The following SLC38A1 variants were observed in gnomAD, a reference collection of about 807,000 sequenced individuals.
The protein encoded by SLC38A1 is sodium-coupled neutral amino acid symporter 1.
In SLC38A1, 18 loss-of-function variants were observed where a neutral mutation model predicts 60.3. The ratio of observed to expected loss-of-function variants is 0.30; its 90% CI spans 0.21 to 0.44. The LOEUF (loss-of-function observed/expected upper bound fraction) is 0.44. Ranked by LOEUF, SLC38A1 falls within the 20% of genes least tolerant of loss-of-function variation. The pLI, the probability that SLC38A1 is intolerant of heterozygous loss-of-function variation, is 1.00. For missense variants in SLC38A1, 448 were observed against 587.2 expected, an observed-to-expected ratio of 0.76 and a Z score of 2.45; for synonymous variants, 196 against 212.1, an observed-to-expected ratio of 0.92 and a Z score of 0.66.
At chr12:46,246,361 G>A (rs1164000604) in intron 1 of SLC38A1, among the ~76,000 whole-genome samples, 6 of 152,228 alleles carry the variant, frequency 3.9e-5, no homozygotes, top group Admixed American at 1.3e-4. Context: ...TGTATCCTGC[G>A]CCTGGATCGG....
chr12:46,219,635 G>A (rs1208318643), intron 5 of SLC38A1, among the ~76,000 whole-genome samples: 3 of 152,310 alleles, frequency 2.0e-5, no homozygotes, highest in South Asian at 4.1e-4. Context: ...ACCACTCTGT[G>A]AGTAATAAAA....
In SLC38A1 at chr12:46,185,683, G is replaced by C. The variant is rs2136800941; in HGVS notation, c.*3287C>G. 6.6e-6 allele frequency: 1 copy of C among 152,042 alleles called. No homozygotes were observed. Among genetic ancestry groups the C allele is most frequent in the South Asian group, 2.1e-4 (1 of 4,810 alleles). The allele number at this position is 152,042 out of a possible 1,614,324, so 9.4% of individuals were successfully genotyped here. The stretch of plus-strand genomic sequence containing the variant: ...CCAAAAGTCAGACAAACAGAAGAAG[G>C]CACACCAAGCCTGAACCCTCCGGAC... On this transcript the variant is annotated 3_prime_UTR_variant, in exon 17 of 17. Coordinates refer to ENST00000398637, the MANE Select transcript of SLC38A1 (RefSeq NM_030674.4).
chr12:46,225,154 G>A (rs1045954866), intron 5 of SLC38A1, among the ~76,000 whole-genome samples: 1 of 152,048 alleles, frequency 6.6e-6, no homozygotes, highest in Middle Eastern at 3.2e-3. Flanking sequence ...ACCATAAATC[G>A]GCAGTGGAAA....
intron 3 of SLC38A1, among the ~76,000 whole-genome samples, chr12:46,236,849 A>C (rs563185462): frequency 6.6e-6 from 1 of 152,198 alleles, no homozygotes; most frequent in South Asian, 2.1e-4. Flanking sequence ...CAGAATCAGA[A>C]TCTGCATTTA....
intron 16 of SLC38A1, among the ~76,000 whole-genome samples, chr12:46,190,950 G>A (rs570051975): frequency 6.6e-6 from 1 of 152,258 alleles, no homozygotes; most frequent in African/African-American, 2.4e-5. Context: ...GATCCCATTT[G>A]TCTATTTTGG....
rs1056636157 is a variant in SLC38A1, at chr12:46,188,640, A to G, written c.*330T>C. 2.5e-5 allele frequency: 5 copies of G among 197,602 alleles called. No homozygotes were observed. Among genetic ancestry groups the G allele is most frequent in the Admixed American group, 1.1e-4 (2 of 18,620 alleles). The allele number at this position is 197,602 out of a possible 1,614,324, so 12.2% of individuals were successfully genotyped here. On this transcript the variant is annotated 3_prime_UTR_variant, in exon 17 of 17. Transcript: ENST00000398637. ...ATGTATAATAAATAAACATTATTGTATATCATGTTTTCAAAGTTCTAAGAG... is the reference window on the plus strand; with the variant it reads ...ATGTATAATAAATAAACATTATTGTGTATCATGTTTTCAAAGTTCTAAGAG...
Position 46,206,567 on chromosome 12 carries a change from C to T in SLC38A1, c.564-405G>A, listed in dbSNP as rs542561196. Reference sequence around the variant, plus strand: ...CAAGTCACTACAGGTAGACATTTCTCTCTCCCTGATCCCTTGGATTTGACC... The same window carrying T: ...CAAGTCACTACAGGTAGACATTTCTTTCTCCCTGATCCCTTGGATTTGACC... On this transcript the variant is annotated intron_variant, in intron 8 of 16. Transcript: ENST00000398637. Among the ~76,000 whole-genome samples the T allele has an allele frequency of 2.0e-5, 3 of 152,292 alleles. No homozygotes were observed. The South Asian group carries it at 6.2e-4, about 32-fold the overall frequency.
chr12:46,247,115 G>C (rs1294958939), intron 1 of SLC38A1, among the ~76,000 whole-genome samples: 2 of 152,184 alleles, frequency 1.3e-5, no homozygotes, highest in African/African-American at 2.4e-5. Flanking sequence ...AAAAACCAGA[G>C]CGCCTCTTCT....
chr12:46,223,164 A>G (rs973378088), intron 5 of SLC38A1, among the ~76,000 whole-genome samples: 1 of 152,192 alleles, frequency 6.6e-6, no homozygotes, highest in African/African-American at 2.4e-5. Context: ...CTGGCTCTAG[A>G]GTCAAGCAAG....
chr12:46,245,989 A>G (rs1941601112), intron 1 of SLC38A1, among the ~76,000 whole-genome samples: 1 of 152,206 alleles, frequency 6.6e-6, no homozygotes, highest in South Asian at 2.1e-4. Context: ...TCAAGAACAG[A>G]AGAGGATCTT....
At chr12:46,199,916 C>A (rs1939576440) in intron 13 of SLC38A1, among the ~76,000 whole-genome samples, 1 of 152,152 alleles carries the variant, frequency 6.6e-6, no homozygotes, top group Admixed American at 6.5e-5. Context: ...AGTTATAATA[C>A]CAATCTCACT....
At chr12:46,264,440 AG>A (rs1355411875) in intron 1 of SLC38A1, among the ~76,000 whole-genome samples, 1 of 152,224 alleles carries the variant, frequency 6.6e-6, no homozygotes, top group Non-Finnish European at 1.5e-5. Flanking sequence ...GTGATTGGGA[AG>A]GTAACATGGT....
intron 1 of SLC38A1, among the ~76,000 whole-genome samples, chr12:46,259,664 G>A (rs1250124534): frequency 1.3e-5 from 2 of 152,176 alleles, no homozygotes; most frequent in Non-Finnish European, 2.9e-5. Flanking sequence ...AAAAACCTGG[G>A]AAGCTAGTAA....
intron 1 of SLC38A1, among the ~76,000 whole-genome samples, chr12:46,257,916 T>C (rs1338639861): frequency 2.6e-5 from 4 of 152,336 alleles, no homozygotes; most frequent in East Asian, 3.9e-4. Context: ...GGTGAGTCCA[T>C]AGAGTAAAGC....
chr12:46,209,950 C>G (rs1051295817), intron 5 of SLC38A1, among the ~76,000 whole-genome samples: 1 of 152,116 alleles, frequency 6.6e-6, no homozygotes, highest in African/African-American at 2.4e-5. Flanking sequence ...GAAAAAAAAT[C>G]CAGTCCCCAG....
chr12:46,254,734 T>C (rs1592151809), intron 1 of SLC38A1: 3 of 152,360 alleles, frequency 2.0e-5, no homozygotes, highest in African/African-American at 7.2e-5. Flanking sequence ...GTTTCTCCAA[T>C]TGTGTCCTGT....
chr12:46,254,318 T>G (rs934953782), intron 1 of SLC38A1, among the ~76,000 whole-genome samples: 9 of 151,800 alleles, frequency 5.9e-5, no homozygotes, highest in African/African-American at 2.2e-4. Flanking sequence ...GACTAGAATT[T>G]AATAACAAGT....
rs999911584 is a variant in SLC38A1 at position 46,268,850 on chromosome 12, C to G, written c.-533G>C. 5 of 453,792 alleles carry G rather than the reference C, an allele frequency of 1.1e-5. No individual in the cohort carries two copies. The highest frequency in any genetic ancestry group is 1.6e-5 in the South Asian group (1 of 64,226). The allele number at this position is 453,792 out of a possible 1,614,324, so 28.1% of individuals were successfully genotyped here. A position where few individuals can be genotyped will look rare whatever the true frequency, so the allele number is the denominator to read the frequency against. On this transcript the variant is annotated 5_prime_UTR_variant, in exon 1 of 17. Transcript: ENST00000398637. This position sits in a 1 kb window ranked among gnomAD's most constrained non-coding sequence, Gnocchi z 4.4. ...CAACCCCCACTCACACTCTGCTCGC[C>G]GGCCTCGCACTTACATCGACATGCA...
intron 1 of SLC38A1, among the ~76,000 whole-genome samples, chr12:46,253,984 T>A (rs1251048820): frequency 6.6e-6 from 1 of 152,162 alleles, no homozygotes; most frequent in East Asian, 1.9e-4. Context: ...GGAAGATGAA[T>A]AAGTGTTCAA....
Sources: gnomAD v4.1 joint callset for allele counts (sites outside exome capture counted in the v4.1 genomes callset) on GRCh38, gnomAD v4.1.1 for gene constraint, Gnocchi (gnomAD v3.1) non-coding constraint, MANE v1.5 for transcripts, NCBI Gene and HGNC (gene_info 2026-07-23, HGNC 2026-07-21) for gene names.